ZNF623: variants seen among roughly 807,000 people sequenced by gnomAD.
ZNF623 encodes the protein zinc finger protein 623.
In ZNF623, 16 loss-of-function variants were observed where a neutral mutation model predicts 24.0. That is an observed-to-expected ratio of 0.67 (90% CI 0.45 to 1.01). The LOEUF is 1.01. ZNF623 is among the 50% of genes least tolerant of loss of function. The probability of loss-of-function intolerance (pLI) is 0.00; values close to 1 mark genes in which losing one functional copy is unlikely to be tolerated. For missense variants in ZNF623, 566 were observed against 606.5 expected, an observed-to-expected ratio of 0.93 and a Z score of 0.70; for synonymous variants, 224 against 219.8, an observed-to-expected ratio of 1.02 and a Z score of -0.17.
chr8:143,644,478 T>A (rs1016090847), intron 1 of ZNF623, among the ~76,000 whole-genome samples: 8 of 152,024 alleles, frequency 5.3e-5, no homozygotes, highest in Admixed American at 5.2e-4. Context: ...GTGGCCCGGC[T>A]CCCACTGCCC....
At chr8:143,640,390 G>A (rs1047093191) in intron 1 of ZNF623, among the ~76,000 whole-genome samples, 3 of 152,134 alleles carry the variant, frequency 2.0e-5, no homozygotes, top group Non-Finnish European at 2.9e-5. Flanking sequence ...AAAATGGGAC[G>A]ATGAAGTTTG....
chr8:143,646,095 TC>T (rs1483088621), intron 1 of ZNF623, among the ~76,000 whole-genome samples: 2 of 152,066 alleles, frequency 1.3e-5, no homozygotes, highest in African/African-American at 4.8e-5. Context: ...AGGTTGGAGT[TC>T]CATGGCATAG....
In ZNF623 at chr8:143,648,324, C is replaced by T. The variant is rs566897589; in HGVS notation, c.-95-1574C>T. ...ATAAGGAGAGTGACTTCTGAAGGAG[C>T]GGGGCTGTGTCAGTGCCACCGCAGG... On this transcript the variant is annotated intron_variant, in intron 1 of 1. Coordinates refer to ENST00000526926, the MANE Select transcript of ZNF623 (RefSeq NM_001261843.2). Among the ~76,000 whole-genome samples, 33 of 152,100 alleles carry T rather than the reference C, an allele frequency of 2.2e-4. No individual in the cohort carries two copies. The East Asian group carries it at 4.6e-3, about 21-fold the overall frequency.
rs114089398 is a variant in ZNF623, at chr8:143,653,154, C to T, written c.*1671C>T. The T allele has an allele frequency of 2.2e-4, 36 of 167,172 alleles. No homozygotes were observed. The highest frequency in any genetic ancestry group is 1.0e-3 in the South Asian group (5 of 4,824). 10.4% of individuals were successfully genotyped at this position (167,172 alleles called of 1,614,324 possible). ...AGATGGCTTTTTGGCTAGGACTGTT[C>T]GAAAGCAGGCGAGGTAAATGGACAG... On this transcript the variant is annotated 3_prime_UTR_variant, in exon 2 of 2. Coordinates refer to ENST00000526926, the MANE Select transcript of ZNF623 (RefSeq NM_001261843.2).
intron 1 of ZNF623, among the ~76,000 whole-genome samples, chr8:143,646,185 G>A (rs1445490821): frequency 2.6e-5 from 4 of 152,066 alleles, no homozygotes; most frequent in Non-Finnish European, 5.9e-5. Flanking sequence ...GGGACCACAG[G>A]TATGCAACAT....
intron 1 of ZNF623, among the ~76,000 whole-genome samples, chr8:143,648,042 C>G (rs1050616934): frequency 6.6e-6 from 1 of 152,190 alleles, no homozygotes; most frequent in African/African-American, 2.4e-5. Flanking sequence ...TGAAAAACTT[C>G]TGAGAGCATC....
chr8:143,640,448 C>G (rs568182086), intron 1 of ZNF623, among the ~76,000 whole-genome samples: 1 of 152,294 alleles, frequency 6.6e-6, no homozygotes, highest in East Asian at 1.9e-4. Flanking sequence ...CTGTAGCATG[C>G]AAAGCTGTTC....
At chr8:143,647,167 G>A (rs1472422353) in intron 1 of ZNF623, among the ~76,000 whole-genome samples, 1 of 150,286 alleles carries the variant, frequency 6.7e-6, no homozygotes, top group Non-Finnish European at 1.5e-5. Context: ...TTTTTGTTTT[G>A]TTTCGTTTTT....
At chr8:143,639,727 G>A (rs1383657737) in intron 1 of ZNF623, among the ~76,000 whole-genome samples, 2 of 152,224 alleles carry the variant, frequency 1.3e-5, no homozygotes, top group African/African-American at 2.4e-5. Flanking sequence ...TATTTAAGAC[G>A]TAGGTTAAAG....
In ZNF623 at chr8:143,651,477, C is replaced by T; in HGVS notation, c.1485C>T (p.Asn495=). 1.1e-5 allele frequency: 17 copies of T among 1,558,336 alleles called. No homozygotes were observed. Among genetic ancestry groups the T allele is most frequent in the Non-Finnish European group, 1.5e-5 (17 of 1,156,794 alleles). ...TAGATAAGGGGGAACACACAGGTAA[C>T]TTATAAAATAATTACTTTCCCGCCC... ...RSVDKGEHTG[N]L The change falls in exon 2 of 2, where the codon AAC becomes AAT. Residue 495 remains asparagine (N), a synonymous_variant. Coordinates refer to ENST00000526926, the MANE Select transcript of ZNF623 (RefSeq NM_001261843.2).
intron 1 of ZNF623, among the ~76,000 whole-genome samples, chr8:143,641,260 A>G (rs964002161): frequency 6.6e-6 from 1 of 152,216 alleles, no homozygotes; most frequent in Non-Finnish European, 1.5e-5. Context: ...CAGATCCATC[A>G]GAGGAATCAT....
At chr8:143,645,140 A>G (rs1296399050) in intron 1 of ZNF623, among the ~76,000 whole-genome samples, 2 of 135,274 alleles carry the variant, frequency 1.5e-5, no homozygotes, top group African/African-American at 3.0e-5. Flanking sequence ...AAAAAAAAAA[A>G]AGAGAGAAAA....
chr8:143,639,310 G>A (rs569845263), intron 1 of ZNF623, among the ~76,000 whole-genome samples: 8 of 152,130 alleles, frequency 5.3e-5, no homozygotes, highest in South Asian at 2.1e-4. Flanking sequence ...CTCCACCTCC[G>A]CCTCCTGGGT....
intron 1 of ZNF623, among the ~76,000 whole-genome samples, chr8:143,645,929 CTG>C (rs1281574474): frequency 2.0e-5 from 3 of 151,936 alleles, no homozygotes; most frequent in Non-Finnish European, 4.4e-5. Flanking sequence ...CCAGTAAAAA[CTG>C]AGAAACCTGC....
At chr8:143,643,282 G>A (rs1278485196) in intron 1 of ZNF623, among the ~76,000 whole-genome samples, 3 of 152,226 alleles carry the variant, frequency 2.0e-5, no homozygotes, top group African/African-American at 2.4e-5. Context: ...AGCTCAGCCC[G>A]ATGACATACA....
At chr8:143,642,988 G>C (rs1815091870) in intron 1 of ZNF623, among the ~76,000 whole-genome samples, 1 of 152,224 alleles carries the variant, frequency 6.6e-6, no homozygotes, top group South Asian at 2.1e-4. Context: ...TCCCAGGTCA[G>C]TGAGGTGAGA....
chr8:143,650,098 A>G lies in ZNF623; in HGVS notation c.106A>G (p.Arg36Gly), dbSNP rs768063442. 3.1e-6 allele frequency: 5 copies of G among 1,613,724 alleles called. No individual in the cohort carries two copies. In the Admixed American group the frequency reaches 5.0e-5, roughly 16 times the overall value. The change falls in exon 2 of 2, where the codon AGG becomes GGG. Residue 36 changes from arginine to glycine, a missense_variant. This residue lies in a region of ZNF623 where 313 missense variants were observed against 300.4 expected (regional missense o/e 1.04). Coordinates refer to ENST00000526926, the MANE Select transcript of ZNF623 (RefSeq NM_001261843.2). This position sits in a 1 kb window ranked among gnomAD's most constrained non-coding sequence, Gnocchi z 5.2. ...CCTGGGGAGTTCCCCCTCTCAGGAC[A>G]GGGGCTGCAAGCAGGTGACAGTGAC... ...QSLGSSPSQD[R>G]GCKQVTVTHW...
In ZNF623 at chr8:143,651,294, C is replaced by T. The variant is rs1362895589; in HGVS notation, c.1302C>T (p.Phe434=). The change falls in exon 2 of 2, where the codon TTC becomes TTT. Residue 434 remains phenylalanine (F), a synonymous_variant. Transcript: ENST00000526926. The part of the protein sequence containing the change: ...CGKGFIQRSN[F]LQHQKIHTEE... Reference sequence around the variant, plus strand: ...AAGGCTTTATTCAGAGGTCAAACTTCCTTCAACACCAGAAAATTCATACTG... The same window carrying T: ...AAGGCTTTATTCAGAGGTCAAACTTTCTTCAACACCAGAAAATTCATACTG... The T allele has an allele frequency of 2.5e-6, 4 of 1,614,206 alleles. No homozygotes were observed. In the African/African-American group the frequency reaches 5.3e-5, roughly 22 times the overall value.
rs1815360631 is a variant in ZNF623 at position 143,652,603 on chromosome 8, C to T, written c.*1120C>T. 6.0e-6 allele frequency: 1 copy of T among 167,136 alleles called. No individual in the cohort carries two copies. The highest frequency in any genetic ancestry group is 2.4e-5 in the African/African-American group (1 of 41,454). 10.4% of individuals were successfully genotyped at this position (167,136 alleles called of 1,614,324 possible). A position where few individuals can be genotyped will look rare whatever the true frequency, so the allele number is the denominator to read the frequency against. On this transcript the variant is annotated 3_prime_UTR_variant, in exon 2 of 2. Coordinates refer to ENST00000526926, the MANE Select transcript of ZNF623 (RefSeq NM_001261843.2). ...CCCTCCTGTGTGCCACCTTACAGCTCATGCAGAACTGTCTACTTGATCTGG... is the reference window on the plus strand; with the variant it reads ...CCCTCCTGTGTGCCACCTTACAGCTTATGCAGAACTGTCTACTTGATCTGG...
Sources: gnomAD v4.1 joint callset for allele counts (sites outside exome capture counted in the v4.1 genomes callset) on GRCh38, gnomAD v4.1.1 for gene constraint, gnomAD v4.1.1 regional missense constraint, Gnocchi (gnomAD v3.1) non-coding constraint, MANE v1.5 for transcripts, NCBI Gene and HGNC (gene_info 2026-07-23, HGNC 2026-07-21) for gene names.